Variants in DACH1 observed in about 807,000 individuals in gnomAD.
The protein encoded by DACH1 is dachshund family transcription factor 1.
A neutral mutation model predicts 54.2 loss-of-function variants in DACH1; 12 were observed. That is an observed-to-expected ratio of 0.22 (90% confidence interval 0.14 to 0.36). DACH1 has a LOEUF of 0.36. Among genes scored for constraint, DACH1 ranks in the 10% least tolerant of loss-of-function variants. DACH1 has a pLI of 1.00. For missense variants in DACH1, 805 were observed against 929.8 expected (o/e 0.87, Z 1.75); for synonymous variants, 386 against 366.2 (o/e 1.05, Z -0.62).
rs1390284429 is a variant in DACH1, at chr13:71,800,066, G to A, written c.848+65856C>T. 2.6e-5 allele frequency among the ~76,000 whole-genome samples: 4 copies of A among 151,914 alleles called. No homozygotes were observed. The East Asian group carries it at 7.7e-4, about 29-fold the overall frequency. On this transcript the variant is annotated intron_variant, in intron 1 of 10. Transcript: ENST00000613252. ...ATTCATGAGTCTGGGTCTTAATTTT[G>A]GCCTTTCCGCTGACACACAGGCTAG...
chr13:71,790,850 T>G (rs1275028531), intron 1 of DACH1, among the ~76,000 whole-genome samples: 2 of 152,246 alleles, frequency 1.3e-5, no homozygotes, highest in African/African-American at 2.4e-5. Flanking sequence ...GTTCTTGTTT[T>G]ATTCTACAGC....
chr13:71,681,735 A>C, intron 2 of DACH1, 60 bp downstream of exon 2: 1 of 1,239,532 alleles, frequency 8.1e-7, no homozygotes, highest in Non-Finnish European at 1.2e-6. Context: ...AGATATATAT[A>C]AAAGCTACGA....
intron 1 of DACH1, among the ~76,000 whole-genome samples, chr13:71,702,974 C>CT (rs1220191380): frequency 1.3e-5 from 2 of 152,092 alleles, no homozygotes; most frequent in African/African-American, 4.8e-5. Context: ...AACTTATAGT[C>CT]TAACATATTT....
intron 1 of DACH1, among the ~76,000 whole-genome samples, chr13:71,784,254 A>G (rs939014523): frequency 3.3e-5 from 5 of 152,104 alleles, no homozygotes; most frequent in African/African-American, 4.8e-5. Context: ...TTCTATGTGT[A>G]GGCAAGATAG....
At chr13:71,567,849 C>A (rs1312223054) in intron 4 of DACH1, among the ~76,000 whole-genome samples, 1 of 151,834 alleles carries the variant, frequency 6.6e-6, no homozygotes, top group South Asian at 2.1e-4. Context: ...AGCAAGTACG[C>A]CCTTTTCAAA....
chr13:71,860,087 G>T (rs2138287860), intron 1 of DACH1, among the ~76,000 whole-genome samples: 1 of 151,762 alleles, frequency 6.6e-6, no homozygotes, highest in African/African-American at 2.4e-5. Flanking sequence ...AAACATAATA[G>T]AGAAGGGTCT....
intron 2 of DACH1, among the ~76,000 whole-genome samples, chr13:71,651,726 G>T (rs1878699592): frequency 6.7e-6 from 1 of 148,588 alleles, no homozygotes; most frequent in African/African-American, 2.5e-5. Flanking sequence ...ATGTATATGT[G>T]TGTATATATA....
At chr13:71,729,287 T>A (rs574592911) in intron 1 of DACH1, among the ~76,000 whole-genome samples, 1 of 152,198 alleles carries the variant, frequency 6.6e-6, no homozygotes, top group African/African-American at 2.4e-5. Flanking sequence ...TAATCAGATC[T>A]AAAATGGCAT....
At chr13:71,544,504 T>A (rs1389274029) in intron 6 of DACH1, among the ~76,000 whole-genome samples, 1 of 151,994 alleles carries the variant, frequency 6.6e-6, no homozygotes, top group Non-Finnish European at 1.5e-5. Flanking sequence ...ATAGAGAAAA[T>A]TGCTCACTTA....
At chr13:71,805,486 T>A (rs1887461248) in intron 1 of DACH1, among the ~76,000 whole-genome samples, 1 of 152,226 alleles carries the variant, frequency 6.6e-6, no homozygotes, top group Non-Finnish European at 1.5e-5. Flanking sequence ...GCAGAAGCTT[T>A]AATTCACACT....
intron 3 of DACH1, among the ~76,000 whole-genome samples, chr13:71,597,361 T>C (rs542214652): frequency 2.7e-4 from 41 of 152,312 alleles, no homozygotes; most frequent in African/African-American, 9.4e-4. Context: ...ACAATAAGTA[T>C]ACATAATTTT....
chr13:71,825,742 T>C (rs1026008226), intron 1 of DACH1, among the ~76,000 whole-genome samples: 1 of 152,160 alleles, frequency 6.6e-6, no homozygotes, highest in Non-Finnish European at 1.5e-5. Flanking sequence ...TGGGCTATTA[T>C]GAATAATGGT....
intron 3 of DACH1, among the ~76,000 whole-genome samples, chr13:71,592,424 G>A (rs1873778171): frequency 1.3e-5 from 2 of 148,182 alleles, no homozygotes; most frequent in South Asian, 4.3e-4. Context: ...GAGCCCAGGA[G>A]GTCGAGGTTG....
intron 3 of DACH1, among the ~76,000 whole-genome samples, chr13:71,587,041 A>C (rs1873332926): frequency 6.6e-6 from 1 of 152,266 alleles, no homozygotes; most frequent in African/African-American, 2.4e-5. Flanking sequence ...GACTGCTTTT[A>C]AAAATTCAAA....
chr13:71,765,828 C>T lies in DACH1; in HGVS notation c.849-83918G>A, dbSNP rs577966060. Among the ~76,000 whole-genome samples, 7 of 151,352 alleles carry T rather than the reference C, an allele frequency of 4.6e-5. No homozygotes were observed. In the South Asian group the frequency reaches 1.3e-3, roughly 27 times the overall value. Reference sequence around the variant, plus strand: ...AAAATGACCAAGCCAGGATGTGAAACAGAGTCGGTCTAAATCTAATGCTGT... The same window carrying T: ...AAAATGACCAAGCCAGGATGTGAAATAGAGTCGGTCTAAATCTAATGCTGT... On this transcript the variant is annotated intron_variant, in intron 1 of 10. Transcript: ENST00000613252.
In DACH1 at chr13:71,565,695, T is replaced by A. The variant is rs144060074; in HGVS notation, c.1300-5740A>T. Among the ~76,000 whole-genome samples the A allele has an allele frequency of 1.2e-3, 183 of 152,242 alleles. 2 individuals are homozygous for A. In the East Asian group the frequency reaches 0.028, roughly 23 times the overall value. ...TAGCTTTAAAAAAAAACTTTGATTATGGAACTCCATAAATACTCAAGTTTT... is the reference window on the plus strand; with the variant it reads ...TAGCTTTAAAAAAAAACTTTGATTAAGGAACTCCATAAATACTCAAGTTTT... On this transcript the variant is annotated intron_variant, in intron 4 of 10. Transcript: ENST00000613252.
chr13:71,564,859 G>C (rs1457081493), intron 4 of DACH1, among the ~76,000 whole-genome samples: 2 of 151,778 alleles, frequency 1.3e-5, no homozygotes, highest in East Asian at 1.9e-4. Flanking sequence ...TTTTTCAATA[G>C]AGATTCTCTA....
At chr13:71,485,575 C>CT (rs68024614) in intron 7 of DACH1, among the ~76,000 whole-genome samples, 600 of 46,180 alleles carry the variant, frequency 0.013, 42 homozygotes, top group African/African-American at 0.043. Flanking sequence ...TTCTTTTCTT[C>CT]TTTTTTTTTT....
At chr13:71,488,950 A>G (rs768515831) in intron 7 of DACH1, 47 bp downstream of exon 7, 1 of 1,576,674 alleles carries the variant, frequency 6.3e-7, no homozygotes, top group Admixed American at 1.9e-5. Flanking sequence ...AAAAATCTAC[A>G]ACAGGGTGTT....
Sources: gnomAD v4.1 joint callset for allele counts (sites outside exome capture counted in the v4.1 genomes callset) on GRCh38, gnomAD v4.1.1 for gene constraint, MANE v1.5 for transcripts, NCBI Gene and HGNC (gene_info 2026-07-23, HGNC 2026-07-21) for gene names.